RUNX1T1: variants seen among roughly 807,000 people sequenced by gnomAD.
RUNX1T1 encodes RUNX1 partner transcriptional co-repressor 1.
A neutral mutation model predicts 62.8 loss-of-function variants in RUNX1T1; 4 were observed. That is an observed-to-expected ratio of 0.06 (90% CI 0.03 to 0.15). The LOEUF is 0.15. Ranked by LOEUF, RUNX1T1 falls within the 10% of genes least tolerant of loss-of-function variation. The pLI is 1.00. For missense variants in RUNX1T1, 508 were observed against 754.3 expected, an observed-to-expected ratio of 0.67 and a Z score of 3.82; for synonymous variants, 291 against 286.0, an observed-to-expected ratio of 1.02 and a Z score of -0.18.
intron 1 of RUNX1T1, among the ~76,000 whole-genome samples, chr8:92,040,951 C>T (rs1337123015): frequency 3.9e-5 from 6 of 152,094 alleles, no homozygotes; most frequent in Non-Finnish European, 8.8e-5. Flanking sequence ...TCAAACAATC[C>T]TCCCACTTCA....
intron 1 of RUNX1T1, among the ~76,000 whole-genome samples, chr8:92,022,372 C>A (rs554196556): frequency 1.3e-5 from 2 of 152,130 alleles, no homozygotes; most frequent in African/African-American, 4.8e-5. Flanking sequence ...TATAGAATGA[C>A]GTCTCACCTC....
chr8:92,022,535 A>G (rs1824323911), intron 1 of RUNX1T1, among the ~76,000 whole-genome samples: 1 of 152,110 alleles, frequency 6.6e-6, no homozygotes, highest in Admixed American at 6.5e-5. Context: ...TCTCTTACAA[A>G]TGGGTTGGAG....
intron 3 of RUNX1T1, among the ~76,000 whole-genome samples, chr8:92,013,411 G>A (rs979095881): frequency 6.6e-6 from 1 of 152,296 alleles, no homozygotes; most frequent in South Asian, 2.1e-4. Context: ...GGGATATAGT[G>A]ATTTGAAGCA....
At chr8:92,071,853 G>A (rs543377015) in intron 2 of RUNX1T1, among the ~76,000 whole-genome samples, 1 of 152,272 alleles carries the variant, frequency 6.6e-6, no homozygotes, top group East Asian at 1.9e-4. Context: ...ACTGCCCGGA[G>A]CATCAACAGA....
At chr8:92,007,981 A>AG (rs1270126439) in intron 4 of RUNX1T1, among the ~76,000 whole-genome samples, 1 of 151,624 alleles carries the variant, frequency 6.6e-6, no homozygotes, top group Admixed American at 6.6e-5. Context: ...AAAAAAAAAA[A>AG]AAAAAAGAAA....
At chr8:91,957,593 A>C (rs1436537360), downstream of RUNX1T1, 3 of 230,246 alleles carry the variant, frequency 1.3e-5, no homozygotes, top group Non-Finnish European at 2.6e-5. Flanking sequence ...ACTAGTGTTA[A>C]GAATAACAGT....
upstream of RUNX1T1, among the ~76,000 whole-genome samples, chr8:92,065,924 T>G (rs78556588): frequency 1.8e-3 from 275 of 152,286 alleles, 2 homozygotes; most frequent in African/African-American, 6.3e-3. Flanking sequence ...TTGAAAGCAA[T>G]ACACCCAACC....
chr8:92,062,474 T>A, intron 1 of RUNX1T1: 1 of 1,524,666 alleles, frequency 6.6e-7, no homozygotes, highest in South Asian at 1.1e-5. Flanking sequence ...CAGAAGGTAT[T>A]TTCCATGCAT....
chr8:92,068,505 G>T (rs968988124), intron 2 of RUNX1T1, among the ~76,000 whole-genome samples: 2 of 152,076 alleles, frequency 1.3e-5, no homozygotes, highest in African/African-American at 4.8e-5. Context: ...AGGCAAAATC[G>T]GAGGGCTCGA....
At chr8:91,991,008 G>T (rs781222731) in intron 6 of RUNX1T1, among the ~76,000 whole-genome samples, 1 of 152,162 alleles carries the variant, frequency 6.6e-6, no homozygotes, top group Non-Finnish European at 1.5e-5. Context: ...TGAACACAGG[G>T]AAATAGAACA....
chr8:92,025,406 A>G (rs1824955807), intron 1 of RUNX1T1, among the ~76,000 whole-genome samples: 1 of 152,056 alleles, frequency 6.6e-6, no homozygotes, highest in Admixed American at 6.6e-5. Context: ...TGACCTCCAT[A>G]CTAGACAGCT....
intron 1 of RUNX1T1, among the ~76,000 whole-genome samples, chr8:92,088,409 C>T (rs1431469962): frequency 2.0e-5 from 3 of 152,192 alleles, no homozygotes; most frequent in Non-Finnish European, 2.9e-5. Context: ...CTAGTTTAAG[C>T]TAGTCTAATC....
At chr8:92,034,556 T>C (rs906269091) in intron 1 of RUNX1T1, among the ~76,000 whole-genome samples, 1 of 152,024 alleles carries the variant, frequency 6.6e-6, no homozygotes, top group African/African-American at 2.4e-5. Context: ...ATTTCCTTCT[T>C]ATATCAAAAA....
At chr8:92,101,018 G>C (rs972396640), upstream of RUNX1T1, among the ~76,000 whole-genome samples, 1 of 152,204 alleles carries the variant, frequency 6.6e-6, no homozygotes, top group Non-Finnish European at 1.5e-5. Flanking sequence ...TTATCACAGA[G>C]AAGCTGGTCA....
chr8:92,090,929 G>A (rs1836891805), intron 1 of RUNX1T1, among the ~76,000 whole-genome samples: 1 of 152,152 alleles, frequency 6.6e-6, no homozygotes, highest in Admixed American at 6.6e-5. Context: ...TGTATGTGAA[G>A]GTTGGTGAAG....
intron 2 of RUNX1T1, among the ~76,000 whole-genome samples, 197 bp downstream of exon 2, chr8:92,075,768 C>G (rs1257099082): frequency 6.6e-6 from 1 of 152,026 alleles, no homozygotes; most frequent in Non-Finnish European, 1.5e-5. Context: ...AACAGGGTTC[C>G]CACCACCAGA....
At chr8:92,082,409 G>A (rs546111202) in intron 1 of RUNX1T1, among the ~76,000 whole-genome samples, 11 of 152,218 alleles carry the variant, frequency 7.2e-5, no homozygotes, top group Non-Finnish European at 1.2e-4. Context: ...ACCTTGCCCC[G>A]TCATGTGCAC....
intron 1 of RUNX1T1, among the ~76,000 whole-genome samples, chr8:92,049,176 T>C (rs1829867147): frequency 6.6e-6 from 1 of 152,156 alleles, no homozygotes. Context: ...GGACAGACAA[T>C]ATCTGTGATG....
At chr8:91,970,688 T>A (rs759424859) in exon 10 of RUNX1T1, 1 of 1,611,732 alleles carries the variant, frequency 6.2e-7, no homozygotes, top group South Asian at 1.1e-5. Context: ...GATTGATAAC[T>A]GCCAGTGCGT....
Sources: gnomAD v4.1 joint callset for allele counts (sites outside exome capture counted in the v4.1 genomes callset) on GRCh38, gnomAD v4.1.1 for gene constraint, MANE v1.5 for transcripts, NCBI Gene and HGNC (gene_info 2026-07-23, HGNC 2026-07-21) for gene names.